Variants in ROBO2 observed in about 807,000 individuals in gnomAD.
ROBO2 encodes roundabout homolog 2.
A neutral mutation model predicts 160.8 loss-of-function variants in ROBO2; 53 were observed. The ratio of observed to expected loss-of-function variants is 0.33; its 90% CI spans 0.26 to 0.41. The LOEUF is 0.41. Among genes scored for constraint, ROBO2 ranks in the 10% least tolerant of loss-of-function variants. ROBO2 has a pLI of 1.00. For synonymous variants in ROBO2, 664 were observed against 611.7 expected (o/e 1.09, Z -1.26); for missense variants, 1,577 against 1,722.4 (o/e 0.92, Z 1.49).
intron 1 of ROBO2, among the ~76,000 whole-genome samples, chr3:75,913,676 A>G (rs1234225216): frequency 2.6e-5 from 4 of 151,830 alleles, no homozygotes; most frequent in Admixed American, 6.6e-5. Context: ...ATCAAGGCCA[A>G]CTCCTGGATT....
At chr3:76,984,870 T>G (rs1263801542) in intron 2 of ROBO2, among the ~76,000 whole-genome samples, 6 of 152,180 alleles carry the variant, frequency 3.9e-5, no homozygotes, top group Non-Finnish European at 8.8e-5. Context: ...TTATTATTAA[T>G]TTTTCAATGA....
chr3:77,504,433 T>C (rs2088159490), intron 5 of ROBO2, among the ~76,000 whole-genome samples: 1 of 150,308 alleles, frequency 6.7e-6, no homozygotes, highest in African/African-American at 2.5e-5. Context: ...AAAAAAATGT[T>C]CAATTAAACC....
At position 76,697,102 on chromosome 3, in the gene ROBO2, T is replaced by C. The variant is rs1039406351; in HGVS notation, c.110-400912T>C. On this transcript the variant is annotated intron_variant, in intron 2 of 26. Transcript: ENST00000487694. ...TGCAATGTAAATCCACATTTGCCCA[T>C]ATGAATATCATTGACACATGGTATT... 2.0e-4 allele frequency among the ~76,000 whole-genome samples: 30 copies of C among 152,324 alleles called. 1 individual carries two copies. Among genetic ancestry groups the C allele is most frequent in the Admixed American group, 1.8e-3 (27 of 15,282 alleles).
At chr3:77,437,965 A>T (rs1051250633) in intron 2 of ROBO2, among the ~76,000 whole-genome samples, 5 of 152,030 alleles carry the variant, frequency 3.3e-5, no homozygotes, top group Non-Finnish European at 7.4e-5. Flanking sequence ...TTAAAAATCT[A>T]TGCCTTAAAG....
At chr3:76,731,999 A>G (rs2093644507) in intron 2 of ROBO2, among the ~76,000 whole-genome samples, 1 of 152,128 alleles carries the variant, frequency 6.6e-6, no homozygotes, top group Admixed American at 6.5e-5. Flanking sequence ...GCCAGGCATG[A>G]TTTTTCATCT....
chr3:77,419,041 T>C (rs1205057161), intron 2 of ROBO2, among the ~76,000 whole-genome samples: 1 of 152,156 alleles, frequency 6.6e-6, no homozygotes, highest in Non-Finnish European at 1.5e-5. Context: ...GGTTTGGTTC[T>C]TTCTGGAGAC....
At chr3:75,990,251 C>G (rs2065529052) in intron 2 of ROBO2, among the ~76,000 whole-genome samples, 1 of 152,064 alleles carries the variant, frequency 6.6e-6, no homozygotes, top group Non-Finnish European at 1.5e-5. Context: ...TGGTTTATCC[C>G]TTGATCACAT....
At chr3:76,193,231 T>G (rs534407626) in intron 2 of ROBO2, among the ~76,000 whole-genome samples, 2 of 152,302 alleles carry the variant, frequency 1.3e-5, no homozygotes, top group East Asian at 3.9e-4. Flanking sequence ...ATGGCACCAA[T>G]TAAAGTCTTT....
intron 2 of ROBO2, among the ~76,000 whole-genome samples, chr3:76,798,259 G>GGAAAGA (rs1553909374): frequency 1.1e-5 from 1 of 94,198 alleles, no homozygotes; most frequent in African/African-American, 4.1e-5. Context: ...AAAGAAAGAA[G>GGAAAGA]GAAAGAAAGA....
intron 2 of ROBO2, among the ~76,000 whole-genome samples, chr3:76,491,264 T>C (rs567844512): frequency 6.6e-6 from 1 of 151,994 alleles, no homozygotes. Flanking sequence ...TTAATTTTTT[T>C]AAAAAAAAGT....
chr3:77,462,130 A>T (rs1019325620), intron 2 of ROBO2, among the ~76,000 whole-genome samples: 1 of 152,216 alleles, frequency 6.6e-6, no homozygotes, highest in African/African-American at 2.4e-5. Context: ...TTGATATTTT[A>T]GGTTCTATAG....
At chr3:76,037,616 A>G (rs904466903) in intron 2 of ROBO2, among the ~76,000 whole-genome samples, 1 of 152,034 alleles carries the variant, frequency 6.6e-6, no homozygotes, top group African/African-American at 2.4e-5. Context: ...TTTTCTGTGT[A>G]TCAAGCCTTA....
intron 2 of ROBO2, among the ~76,000 whole-genome samples, chr3:76,888,425 G>A (rs71322776): frequency 0.17 from 26,046 of 151,372 alleles, 2,394 homozygotes; most frequent in South Asian, 0.23. Flanking sequence ...ACATCAGCAG[G>A]CCCAGGCTTA....
chr3:77,646,751 C>T (rs976742427), exon 26 of ROBO2: 1 of 151,856 alleles, frequency 6.6e-6, no homozygotes, highest in Non-Finnish European at 1.5e-5. Context: ...TGACAAAAGC[C>T]GGGGTCAAAA....
At chr3:76,205,924 G>C (rs1702779995) in intron 2 of ROBO2, among the ~76,000 whole-genome samples, 1 of 152,148 alleles carries the variant, frequency 6.6e-6, no homozygotes, top group Admixed American at 6.6e-5. Flanking sequence ...CATGGGCTGG[G>C]ACTCAAACTC....
intron 2 of ROBO2, among the ~76,000 whole-genome samples, chr3:77,112,343 A>C (rs367689815): frequency 2.0e-5 from 3 of 151,856 alleles, no homozygotes; most frequent in East Asian, 3.9e-4. Flanking sequence ...TCCCGGATTC[A>C]AGCGATTCAC....
At chr3:76,587,787 C>A (rs1260795326) in intron 2 of ROBO2, among the ~76,000 whole-genome samples, 1 of 152,154 alleles carries the variant, frequency 6.6e-6, no homozygotes, top group Non-Finnish European at 1.5e-5. Flanking sequence ...CCAAGTCATG[C>A]CTTTAAAACA....
chr3:76,979,339 A>C lies in ROBO2; in HGVS notation c.110-118675A>C, dbSNP rs956662921. ...TGAATAATGTTCACTGTACCTGTTA[A>C]GTAATTTCTCATCCCTCAGCTCCCT... On this transcript the variant is annotated intron_variant, in intron 2 of 26. Coordinates refer to the ROBO2 transcript ENST00000487694. Among the ~76,000 whole-genome samples, 5 of 152,200 alleles carry C rather than the reference A, an allele frequency of 3.3e-5. No homozygotes were observed. The East Asian group carries it at 9.7e-4, about 29-fold the overall frequency.
chr3:76,746,361 G>T (rs549791715), intron 2 of ROBO2, among the ~76,000 whole-genome samples: 141 of 152,064 alleles, frequency 9.3e-4, no homozygotes, highest in African/African-American at 1.7e-3. Flanking sequence ...TAATGGGATG[G>T]CTGGGTCAAA....
Sources: allele counts gnomAD v4.1 joint callset (sites outside exome capture counted in the v4.1 genomes callset), GRCh38; gene constraint gnomAD v4.1.1; transcripts MANE v1.5; gene names NCBI Gene and HGNC (gene_info 2026-07-23, HGNC 2026-07-21).